Variants in TRPC4 observed in about 807,000 individuals in gnomAD.
TRPC4 encodes short transient receptor potential channel 4.
TRPC4 carries 49 observed loss-of-function variants against 99.4 expected under a neutral mutation model. The observed-to-expected ratio is 0.49, with a 90% CI of 0.39 to 0.63. The LOEUF is 0.63. Ranked by LOEUF, TRPC4 falls within the 20% of genes least tolerant of loss-of-function variation. The probability of loss-of-function intolerance (pLI) is 0.00; values close to 1 mark genes in which losing one functional copy is unlikely to be tolerated. For synonymous variants in TRPC4, 454 were observed against 425.9 expected, an observed-to-expected ratio of 1.07 and a Z score of -0.81; for missense variants, 898 against 1,152.9, an observed-to-expected ratio of 0.78 and a Z score of 3.20.
intron 1 of TRPC4, among the ~76,000 whole-genome samples, chr13:37,851,854 A>G (rs1005009518): frequency 2.0e-5 from 3 of 152,174 alleles, no homozygotes; most frequent in African/African-American, 4.8e-5. Context: ...ACAGGTGGAC[A>G]TTACTTTGAA....
intron 2 of TRPC4, among the ~76,000 whole-genome samples, chr13:37,760,576 C>A (rs1956196806): frequency 1.3e-5 from 2 of 151,914 alleles, no homozygotes; most frequent in Admixed American, 6.6e-5. Flanking sequence ...ATCAAAGGCT[C>A]TTATTACAAG....
At chr13:37,653,044 C>T (rs957212494) in intron 7 of TRPC4, among the ~76,000 whole-genome samples, 4 of 152,100 alleles carry the variant, frequency 2.6e-5, no homozygotes, top group Admixed American at 2.0e-4. Flanking sequence ...CCTGTTCTGC[C>T]TCCCATCAGT....
chr13:37,684,281 C>T (rs1182834684), intron 4 of TRPC4, among the ~76,000 whole-genome samples: 5 of 152,010 alleles, frequency 3.3e-5, no homozygotes, highest in Non-Finnish European at 7.4e-5. Context: ...TCTAAAAATG[C>T]TTAAACCACT....
At position 37,636,137 on chromosome 13, in the gene TRPC4, T is replaced by C. The variant is rs548640216; in HGVS notation, c.*766A>G. Among the ~76,000 whole-genome samples the C allele has an allele frequency of 1.1e-4, 17 of 152,202 alleles. No homozygotes were observed. The South Asian group carries it at 1.7e-3, about 15-fold the overall frequency. On this transcript the variant is annotated 3_prime_UTR_variant, in exon 11 of 11. Transcript: ENST00000379705. ...TTGCCATATTTTTGAAATTCAGTTA[T>C]TCATAAAGACTCATATTTATACTGA... is the stretch of plus-strand genomic sequence containing the variant.
intron 1 of TRPC4, among the ~76,000 whole-genome samples, chr13:37,819,563 C>G: frequency 6.6e-6 from 1 of 151,866 alleles, no homozygotes. Flanking sequence ...AGCAAACTAA[C>G]GCAGGAACAG....
At chr13:37,668,422 C>T (rs560379105) in intron 5 of TRPC4, among the ~76,000 whole-genome samples, 1 of 152,230 alleles carries the variant, frequency 6.6e-6, no homozygotes, top group South Asian at 2.1e-4. Flanking sequence ...ACTCAAAAAG[C>T]ACTCTGGGGA....
intron 2 of TRPC4, among the ~76,000 whole-genome samples, chr13:37,752,661 A>T (rs1955967355): frequency 6.6e-6 from 1 of 151,396 alleles, no homozygotes; most frequent in Non-Finnish European, 1.5e-5. Context: ...CTAATGTTAC[A>T]GCCTTTCATT....
intron 4 of TRPC4, among the ~76,000 whole-genome samples, chr13:37,681,566 G>T (rs1953240842): frequency 6.6e-6 from 1 of 152,002 alleles, no homozygotes; most frequent in South Asian, 2.1e-4. Context: ...GTAGCGAAAT[G>T]GCCAGTTTCA....
At chr13:37,679,825 A>G (rs1953177084) in intron 4 of TRPC4, among the ~76,000 whole-genome samples, 1 of 152,210 alleles carries the variant, frequency 6.6e-6, no homozygotes, top group Non-Finnish European at 1.5e-5. Flanking sequence ...AGTATATCAG[A>G]ACTAAGTAAG....
chr13:37,691,862 T>C (rs1197688196), intron 4 of TRPC4, 137 bp downstream of exon 4: 2 of 806,078 alleles, frequency 2.5e-6, no homozygotes, highest in Admixed American at 6.0e-5. Flanking sequence ...GCTTTGGGGG[T>C]GAGGTTCTTG....
intron 5 of TRPC4, among the ~76,000 whole-genome samples, chr13:37,673,537 G>A (rs1952936914): frequency 6.6e-6 from 1 of 151,866 alleles, no homozygotes; most frequent in African/African-American, 2.4e-5. Context: ...AAAAGGAAAG[G>A]GGGAAAAGGA....
At chr13:37,801,791 A>G (rs1957409092) in intron 1 of TRPC4, among the ~76,000 whole-genome samples, 1 of 143,274 alleles carries the variant, frequency 7.0e-6, no homozygotes, top group South Asian at 2.3e-4. Flanking sequence ...AGATTTATAG[A>G]CACTCAAAAA....
intron 1 of TRPC4, among the ~76,000 whole-genome samples, chr13:37,808,873 T>C (rs1249361966): frequency 1.3e-5 from 2 of 151,364 alleles, no homozygotes; most frequent in Non-Finnish European, 2.9e-5. Context: ...TCTCACCGTA[T>C]GTACAATAGA....
At position 37,675,537 on chromosome 13, in the gene TRPC4, C is replaced by T. The variant is rs146934913; in HGVS notation, c.1235-1170G>A. Reference sequence around the variant, plus strand: ...ACAGCTCAAGAGAAATATTATAGTTCAAGCCTGGGGAGAAAAGAGGCTGCT... The same window carrying T: ...ACAGCTCAAGAGAAATATTATAGTTTAAGCCTGGGGAGAAAAGAGGCTGCT... On this transcript the variant is annotated intron_variant, in intron 4 of 10. Transcript: ENST00000379705. Among the ~76,000 whole-genome samples, 981 of 152,214 alleles carry T rather than the reference C, an allele frequency of 6.4e-3. 15 individuals are homozygous for T. The highest frequency in any genetic ancestry group is 9.0e-3 in the Non-Finnish European group (614 of 68,002).
intron 4 of TRPC4, among the ~76,000 whole-genome samples, chr13:37,684,381 A>C (rs1039684374): frequency 2.0e-5 from 3 of 152,174 alleles, no homozygotes; most frequent in African/African-American, 7.2e-5. Flanking sequence ...TTTACCAAGA[A>C]AGGATGCCAT....
At position 37,655,229 on chromosome 13, in the gene TRPC4, T is replaced by C. The variant is rs138261652; in HGVS notation, c.1743A>G (p.Leu581=). ...GCTGTGCTTTGACATTGGTCACATA[T>C]AAATTGATGAGCCCAAATATTGACC... ...LFWSIFGLIN[L]YVTNVKAQHE... is the part of the protein sequence containing the mutation. Residue 581 remains leucine (L), a synonymous_variant, in exon 7 of 11, where the codon TTA becomes TTG. Transcript: ENST00000379705. 2.4e-5 allele frequency: 38 copies of C among 1,608,074 alleles called. No homozygotes were observed. Among genetic ancestry groups the C allele is most frequent in the Non-Finnish European group, 3.1e-5 (36 of 1,176,792 alleles).
intron 3 of TRPC4, among the ~76,000 whole-genome samples, chr13:37,722,948 T>C (rs17056521): frequency 0.022 from 3,388 of 152,094 alleles, 50 homozygotes; most frequent in African/African-American, 0.049. Flanking sequence ...CAAGGTAATA[T>C]AGGTGTACAC....
rs543423597 is a variant in TRPC4 at position 37,766,064 on chromosome 13, G to A, written c.378+16892C>T. 1.4e-4 allele frequency among the ~76,000 whole-genome samples: 21 copies of A among 151,464 alleles called. 1 individual carries two copies. Among genetic ancestry groups the A allele is most frequent in the African/African-American group, 4.8e-4 (20 of 41,432 alleles). ...TGTAGATTTACATTAATGAATGAAA[G>A]TTGATATAATTAAGTCCTATGATTG... On this transcript the variant is annotated intron_variant, in intron 2 of 10. Coordinates refer to ENST00000379705, the MANE Select transcript of TRPC4 (RefSeq NM_016179.4).
At chr13:37,706,627 C>T (rs1237700939) in intron 3 of TRPC4, among the ~76,000 whole-genome samples, 2 of 151,394 alleles carry the variant, frequency 1.3e-5, no homozygotes, top group African/African-American at 4.9e-5. Flanking sequence ...ACCCCTCCCC[C>T]CTACCCCCAC....
Sources: allele counts gnomAD v4.1 joint callset (sites outside exome capture counted in the v4.1 genomes callset), GRCh38; gene constraint gnomAD v4.1.1; transcripts MANE v1.5; gene names NCBI Gene and HGNC (gene_info 2026-07-23, HGNC 2026-07-21).